Variants in SCOC observed in about 807,000 individuals in gnomAD.
The protein encoded by SCOC is short coiled coil protein.
A neutral mutation model predicts 9.9 loss-of-function variants in SCOC; 7 were observed. The observed-to-expected ratio is 0.71, with a 90% confidence interval of 0.40 to 1.33. The LOEUF is 1.33. SCOC is among the 40% of genes most tolerant of loss of function. The pLI, the probability that SCOC is intolerant of heterozygous loss-of-function variation, is 0.01. For synonymous variants in SCOC, 19 were observed against 28.2 expected, an observed-to-expected ratio of 0.67 and a Z score of 1.03; for missense variants, 66 against 89.7, an observed-to-expected ratio of 0.74 and a Z score of 1.07.
upstream of SCOC, chr4:140,373,218 G>A: frequency 9.2e-7 from 1 of 1,086,826 alleles, no homozygotes; most frequent in Non-Finnish European, 1.1e-6. Flanking sequence ...GTTCGCAAAC[G>A]CTCTTTTCTC....
chr4:140,287,331 A>AT (rs1731313623), intron 1 of SCOC, among the ~76,000 whole-genome samples: 2 of 151,958 alleles, frequency 1.3e-5, no homozygotes, highest in African/African-American at 4.8e-5. Flanking sequence ...GTTTACACAC[A>AT]TACTAAACAC....
chr4:140,328,448 C>T (rs1308070982), intron 1 of SCOC, among the ~76,000 whole-genome samples: 2 of 152,176 alleles, frequency 1.3e-5, no homozygotes, highest in Admixed American at 6.5e-5. Flanking sequence ...GTGCCACCTT[C>T]GAGTCGACCT....
intron 1 of SCOC, among the ~76,000 whole-genome samples, chr4:140,269,324 T>A (rs1199243388): frequency 6.6e-6 from 1 of 152,200 alleles, no homozygotes; most frequent in Non-Finnish European, 1.5e-5. Flanking sequence ...ATGGGATTTC[T>A]GGGGCTGGAT....
chr4:140,362,302 T>TTCTTCTTCTTCTTC (rs1727582964), intron 2 of SCOC, among the ~76,000 whole-genome samples: 5 of 27,840 alleles, frequency 1.8e-4, no homozygotes, highest in South Asian at 1.0e-3. Flanking sequence ...TCTTCTTCTT[T>TTCTTCTTCTTCTTC]TTTTTTTTTT....
At chr4:140,268,686 G>A (rs755965755) in intron 1 of SCOC, among the ~76,000 whole-genome samples, 1 of 152,170 alleles carries the variant, frequency 6.6e-6, no homozygotes, top group Non-Finnish European at 1.5e-5. Flanking sequence ...CAGCCCTGGA[G>A]ACATGAGAGA....
chr4:140,373,318 C>T (rs566629815), upstream of SCOC: 654 of 1,396,194 alleles, frequency 4.7e-4, no homozygotes, highest in Non-Finnish European at 5.8e-4. Context: ...TGATTTTCCA[C>T]ACTGGGATTC....
At chr4:140,366,037 A>T (rs1285502030) in intron 2 of SCOC, among the ~76,000 whole-genome samples, 2 of 152,210 alleles carry the variant, frequency 1.3e-5, no homozygotes, top group Admixed American at 6.5e-5. Context: ...GAACTCTAAC[A>T]AGTTGATTAT....
intron 1 of SCOC, among the ~76,000 whole-genome samples, chr4:140,323,964 A>G (rs1732574474): frequency 6.6e-6 from 1 of 152,172 alleles, no homozygotes; most frequent in African/African-American, 2.4e-5. Flanking sequence ...AAATGCAAAA[A>G]ATGCTCAACA....
upstream of SCOC, chr4:140,373,251 G>A: frequency 8.9e-6 from 11 of 1,240,050 alleles, no homozygotes; most frequent in African/African-American, 1.6e-5. Context: ...CTTCTCTGTC[G>A]CTCATACCAA....
chr4:140,370,202 T>C (rs1727992425), upstream of SCOC, among the ~76,000 whole-genome samples: 1 of 152,214 alleles, frequency 6.6e-6, no homozygotes, highest in African/African-American at 2.4e-5. Flanking sequence ...ATTTCTAGTT[T>C]AATTTGTGGG....
rs151323048 is a variant in SCOC, at chr4:140,359,105, G to A, written c.70+15397G>A. Among the ~76,000 whole-genome samples, 183 of 133,832 alleles carry A rather than the reference G, an allele frequency of 1.4e-3. 5 individuals are homozygous for A. The East Asian group carries it at 0.037, about 27-fold the overall frequency. 87.8% of individuals were successfully genotyped at this position (133,832 alleles called of 152,430 possible). ...TACCCACAAGTTTGTGTTGTAGAGCGACAGCGTTTCATTTTGCTCACTATT... is the reference window on the plus strand; with the variant it reads ...TACCCACAAGTTTGTGTTGTAGAGCAACAGCGTTTCATTTTGCTCACTATT... On this transcript the variant is annotated intron_variant, in intron 2 of 4. Coordinates refer to the SCOC transcript ENST00000338517.
rs147659782 is a variant in SCOC at position 140,359,711 on chromosome 4, A to G, written c.70+16003A>G. Among the ~76,000 whole-genome samples, 45 of 152,358 alleles carry G rather than the reference A, an allele frequency of 3.0e-4. No individual in the cohort carries two copies. The East Asian group carries it at 6.4e-3, about 22-fold the overall frequency. On this transcript the variant is annotated intron_variant, in intron 2 of 4. Transcript: ENST00000338517. ...CAGAAGTCTCATTCAATATGACATCAGACTCAGGCTGGAGACGTGGGATCT... is the reference window on the plus strand; with the variant it reads ...CAGAAGTCTCATTCAATATGACATCGGACTCAGGCTGGAGACGTGGGATCT...
chr4:140,310,254 A>G (rs1732111958), intron 1 of SCOC, among the ~76,000 whole-genome samples: 1 of 152,150 alleles, frequency 6.6e-6, no homozygotes, highest in Admixed American at 6.6e-5. Flanking sequence ...GCTGGAAGTG[A>G]TACAATATTA....
At chr4:140,359,147 C>G (rs528888196) in intron 2 of SCOC, among the ~76,000 whole-genome samples, 1 of 152,254 alleles carries the variant, frequency 6.6e-6, no homozygotes, top group East Asian at 1.9e-4. Flanking sequence ...CTGAGTGATT[C>G]AGGAAGGGCT....
chr4:140,296,036 C>T (rs2126443493), intron 1 of SCOC, among the ~76,000 whole-genome samples: 1 of 150,884 alleles, frequency 6.6e-6, no homozygotes, highest in African/African-American at 2.4e-5. Context: ...TACTCAGAAT[C>T]TGTGGGAACC....
chr4:140,352,542 G>C (rs921141492), intron 2 of SCOC, among the ~76,000 whole-genome samples: 1 of 152,160 alleles, frequency 6.6e-6, no homozygotes, highest in Non-Finnish European at 1.5e-5. Flanking sequence ...CCAGTGTATT[G>C]CTAGAAATTG....
upstream of SCOC, among the ~76,000 whole-genome samples, chr4:140,338,637 C>A (rs1447138247): frequency 1.3e-5 from 2 of 152,296 alleles, no homozygotes; most frequent in Admixed American, 1.3e-4. Context: ...AAATCACAAG[C>A]ATTCCTATAC....
chr4:140,354,210 A>C (rs1166797892), intron 2 of SCOC, among the ~76,000 whole-genome samples: 4 of 152,042 alleles, frequency 2.6e-5, no homozygotes, highest in African/African-American at 9.7e-5. Context: ...TTTTTTTAAC[A>C]ATGTTTCTTA....
At chr4:140,332,195 G>A (rs1732834499) in intron 1 of SCOC, among the ~76,000 whole-genome samples, 1 of 151,958 alleles carries the variant, frequency 6.6e-6, no homozygotes, top group African/African-American at 2.4e-5. Context: ...AGATTTGGGT[G>A]GTGACACAGA....
Sources: allele counts gnomAD v4.1 joint callset (sites outside exome capture counted in the v4.1 genomes callset), GRCh38; gene constraint gnomAD v4.1.1; transcripts MANE v1.5; gene names NCBI Gene and HGNC (gene_info 2026-07-23, HGNC 2026-07-21).